The following CDH11 variants were observed in gnomAD, a reference collection of about 807,000 sequenced individuals.
CDH11 encodes cadherin-11.
CDH11 carries 11 observed loss-of-function variants against 67.8 expected under a neutral mutation model. The ratio of observed to expected loss-of-function variants is 0.16; its 90% CI spans 0.10 to 0.27. The LOEUF is 0.27. CDH11 is among the 10% of genes least tolerant of loss of function. The pLI, the probability that CDH11 is intolerant of heterozygous loss-of-function variation, is 1.00. For missense variants in CDH11, 847 were observed against 1,031.2 expected (o/e 0.82, Z 2.45); for synonymous variants, 419 against 400.0 (o/e 1.05, Z -0.57).
At chr16:65,091,017 A>T (rs1000635024) in intron 1 of CDH11, among the ~76,000 whole-genome samples, 1 of 152,214 alleles carries the variant, frequency 6.6e-6, no homozygotes, top group Admixed American at 6.5e-5. Context: ...TTTTGCCATA[A>T]TTTCTCTACA....
chr16:65,045,233 T>A (rs1386451505), intron 2 of CDH11, among the ~76,000 whole-genome samples: 1 of 150,194 alleles, frequency 6.7e-6, no homozygotes, highest in Non-Finnish European at 1.5e-5. Flanking sequence ...AATATGATAC[T>A]TCAGGAAACT....
chr16:65,112,089 G>A (rs4967887), intron 1 of CDH11, among the ~76,000 whole-genome samples: 18,203 of 123,470 alleles, frequency 0.15, 1,310 homozygotes, highest in East Asian at 0.25. Context: ...AAAAAAAAAA[G>A]AATAAGTGCA....
chr16:65,024,915 G>A (rs141349603), intron 2 of CDH11, among the ~76,000 whole-genome samples: 2,336 of 152,330 alleles, frequency 0.015, 23 homozygotes, highest in Middle Eastern at 0.037. Context: ...AAATAGAACA[G>A]ATAGCTGAAT....
At chr16:65,085,639 CA>C (rs2074684833) in intron 1 of CDH11, among the ~76,000 whole-genome samples, 1 of 152,194 alleles carries the variant, frequency 6.6e-6, no homozygotes, top group Admixed American at 6.5e-5. Flanking sequence ...TCTATTGCTA[CA>C]GAGATCCACT....
chr16:65,028,177 G>A (rs1467923362), intron 2 of CDH11, among the ~76,000 whole-genome samples: 1 of 152,152 alleles, frequency 6.6e-6, no homozygotes, highest in Admixed American at 6.5e-5. Context: ...GAAACCCACT[G>A]TCTGGGCCTC....
chr16:64,946,970 T>C lies in CDH11; in HGVS notation c.*633A>G. The stretch of plus-strand genomic sequence containing the variant: ...ACAAATAGATACATTAAAAATGACA[T>C]AGAAATAGGGCGTCTCTCACTGAAA... On this transcript the variant is annotated 3_prime_UTR_variant, in exon 13 of 13. Transcript: ENST00000268603. 2.1e-6 allele frequency: 2 copies of C among 946,018 alleles called. No homozygotes were observed. Among genetic ancestry groups the C allele is most frequent in the Non-Finnish European group, 1.3e-6 (1 of 782,352 alleles). 58.6% of individuals were successfully genotyped at this position (946,018 alleles called of 1,614,324 possible).
At chr16:64,985,186 C>T (rs1282706687) in intron 7 of CDH11, 1 of 152,172 alleles carries the variant, frequency 6.6e-6, no homozygotes, top group East Asian at 1.9e-4. Context: ...CCAAATACCC[C>T]AAGGGTAGTT....
intron 11 of CDH11, among the ~76,000 whole-genome samples, chr16:64,962,055 A>C (rs890297257): frequency 6.6e-6 from 1 of 152,176 alleles, no homozygotes; most frequent in African/African-American, 2.4e-5. Flanking sequence ...GAAAAGTGTA[A>C]ATCTATGCAA....
At chr16:64,950,159 G>A (rs1216024169) in intron 12 of CDH11, among the ~76,000 whole-genome samples, 1 of 152,156 alleles carries the variant, frequency 6.6e-6, no homozygotes, top group African/African-American at 2.4e-5. Context: ...ATAAACCACA[G>A]GTAAGACAGA....
intron 11 of CDH11, among the ~76,000 whole-genome samples, chr16:64,967,736 T>C (rs572102226): frequency 4.0e-5 from 6 of 151,170 alleles, no homozygotes; most frequent in Non-Finnish European, 7.4e-5. Context: ...GATACACAAA[T>C]AGCAGTGACT....
At chr16:64,972,720 A>G (rs986140163) in intron 9 of CDH11, among the ~76,000 whole-genome samples, 184 bp downstream of exon 9, 1 of 152,216 alleles carries the variant, frequency 6.6e-6, no homozygotes. Context: ...CAGAGAAAAC[A>G]AGAACATTTC....
At chr16:65,082,674 G>A (rs1191911694) in intron 1 of CDH11, among the ~76,000 whole-genome samples, 2 of 152,172 alleles carry the variant, frequency 1.3e-5, no homozygotes, top group East Asian at 1.9e-4. Flanking sequence ...TATTCAAGGT[G>A]TAATACCCAA....
chr16:65,102,334 G>A (rs1278961679), intron 1 of CDH11, among the ~76,000 whole-genome samples: 2 of 152,308 alleles, frequency 1.3e-5, no homozygotes, highest in East Asian at 3.9e-4. Context: ...CAGTTGAAGA[G>A]AGTATGAGGA....
chr16:64,948,481 T>C, intron 12 of CDH11: 1 of 830,172 alleles, frequency 1.2e-6, no homozygotes, highest in African/African-American at 1.7e-5. Context: ...GTAGCTGTTT[T>C]TCCAAGGTTT....
At chr16:65,039,087 G>GGAAT (rs2073812121) in intron 2 of CDH11, among the ~76,000 whole-genome samples, 2 of 152,276 alleles carry the variant, frequency 1.3e-5, no homozygotes, top group East Asian at 3.9e-4. Flanking sequence ...CACCTCTGTG[G>GGAAT]CTTCTTAGGC....
chr16:64,972,140 G>C, intron 9 of CDH11, 76 bp from the exon 10 acceptor site: 1 of 1,369,034 alleles, frequency 7.3e-7, no homozygotes, highest in South Asian at 1.2e-5. Context: ...TCTTGGGAAA[G>C]AGTAAGCTCC....
chr16:64,961,978 T>A (rs981022504), intron 11 of CDH11, among the ~76,000 whole-genome samples: 1 of 152,166 alleles, frequency 6.6e-6, no homozygotes, highest in South Asian at 2.1e-4. Context: ...CAAGAACTAA[T>A]TTCCCTATTA....
At chr16:65,117,947 T>G (rs1183913161) in intron 1 of CDH11, among the ~76,000 whole-genome samples, 1 of 152,024 alleles carries the variant, frequency 6.6e-6, no homozygotes, top group Non-Finnish European at 1.5e-5. Context: ...TCTAGTAAAC[T>G]CCAAGGTGGG....
intron 6 of CDH11, among the ~76,000 whole-genome samples, chr16:64,989,049 A>G (rs896768092): frequency 3.9e-5 from 6 of 152,164 alleles, no homozygotes; most frequent in African/African-American, 1.4e-4. Flanking sequence ...GTTTACTACT[A>G]AACAAAACAG....
Sources: allele counts gnomAD v4.1 joint callset (sites outside exome capture counted in the v4.1 genomes callset), GRCh38; gene constraint gnomAD v4.1.1; transcripts MANE v1.5; gene names NCBI Gene and HGNC (gene_info 2026-07-23, HGNC 2026-07-21).